Variants in EYS observed in about 807,000 individuals in gnomAD.
The protein encoded by EYS is protein eyes shut homolog.
Under a neutral mutation model 282.1 loss-of-function variants are expected in EYS, and 250 were observed. The ratio of observed to expected loss-of-function variants is 0.89; its 90% CI spans 0.80 to 0.98. The LOEUF (loss-of-function observed/expected upper bound fraction) is 0.98, where lower values mean the gene tolerates loss of function less well. Ranked by LOEUF, EYS falls within the 50% of genes least tolerant of loss-of-function variation. The pLI, the probability that EYS is intolerant of heterozygous loss-of-function variation, is 0.00. For synonymous variants in EYS, 1,355 were observed against 1,282.9 expected (o/e 1.06, Z -1.20); for missense variants, 4,016 against 3,709.0 (o/e 1.08, Z -2.15).
At chr6:64,982,148 A>C (rs9453142) in intron 14 of EYS, among the ~76,000 whole-genome samples, 24,489 of 151,278 alleles carry the variant, frequency 0.16, 2,077 homozygotes, top group East Asian at 0.23. Context: ...AGCACAATCA[A>C]TGTTACACTA....
At chr6:64,136,114 G>T (rs1463426900) in intron 31 of EYS, among the ~76,000 whole-genome samples, 2 of 149,466 alleles carry the variant, frequency 1.3e-5, no homozygotes, top group East Asian at 3.9e-4. Context: ...AATGTTCCCA[G>T]CATCTTCACC....
chr6:64,580,683 A>C (rs970551860), intron 26 of EYS, among the ~76,000 whole-genome samples: 14 of 152,180 alleles, frequency 9.2e-5, no homozygotes, highest in Admixed American at 2.0e-4. Context: ...AAAGAAAATA[A>C]TATGTTTATG....
chr6:65,126,009 G>A (rs1775708346), intron 12 of EYS, among the ~76,000 whole-genome samples: 1 of 152,078 alleles, frequency 6.6e-6, no homozygotes, highest in African/African-American at 2.4e-5. Flanking sequence ...TGCATATGAA[G>A]TACCTGGTAA....
At chr6:65,203,043 AG>A in intron 12 of EYS, among the ~76,000 whole-genome samples, 1 of 152,182 alleles carries the variant, frequency 6.6e-6, no homozygotes, top group Non-Finnish European at 1.5e-5. Context: ...GGCAGAGCAC[AG>A]GATGGAAACC....
chr6:64,923,167 T>C (rs1768405439), intron 15 of EYS, among the ~76,000 whole-genome samples: 1 of 152,040 alleles, frequency 6.6e-6, no homozygotes, highest in African/African-American at 2.4e-5. Flanking sequence ...AAAGGTTTCA[T>C]TGGACTTACA....
chr6:64,306,582 CA>C (rs1769453014), intron 30 of EYS, among the ~76,000 whole-genome samples: 1 of 152,118 alleles, frequency 6.6e-6, no homozygotes, highest in African/African-American at 2.4e-5. Flanking sequence ...AACTGAAGAA[CA>C]AGGACAACTT....
chr6:63,837,018 G>T (rs1402524691), intron 36 of EYS, among the ~76,000 whole-genome samples: 1 of 151,734 alleles, frequency 6.6e-6, no homozygotes, highest in Non-Finnish European at 1.5e-5. Flanking sequence ...GACTATTTTT[G>T]TTTTGTATTC....
At chr6:64,795,075 A>T (rs2150003361) in intron 22 of EYS, among the ~76,000 whole-genome samples, 1 of 152,128 alleles carries the variant, frequency 6.6e-6, no homozygotes, top group Non-Finnish European at 1.5e-5. Flanking sequence ...CCTCTACCAA[A>T]AATTCAAAAA....
intron 25 of EYS, among the ~76,000 whole-genome samples, chr6:64,592,849 A>T (rs1386075184): frequency 1.3e-5 from 2 of 152,094 alleles, no homozygotes; most frequent in Non-Finnish European, 2.9e-5. Context: ...ATGTGCTGGG[A>T]TTGAGGTCCA....
chr6:64,838,333 T>A (rs1044583439), intron 19 of EYS, among the ~76,000 whole-genome samples: 5 of 151,910 alleles, frequency 3.3e-5, no homozygotes, highest in Non-Finnish European at 7.4e-5. Flanking sequence ...CCAAACTTAA[T>A]GCTGATGTAC....
intron 31 of EYS, among the ~76,000 whole-genome samples, chr6:64,188,308 A>G (rs900885905): frequency 6.6e-6 from 1 of 152,142 alleles, no homozygotes; most frequent in African/African-American, 2.4e-5. Context: ...TATGAACTTA[A>G]AAAACTAATA....
At chr6:65,331,257 G>A (rs1769786913) in intron 11 of EYS, 1 of 642,238 alleles carries the variant, frequency 1.6e-6, no homozygotes, top group African/African-American at 2.0e-5. Flanking sequence ...GCTAATTTAA[G>A]GCCTAATATT....
chr6:64,336,159 G>A (rs375834205), intron 29 of EYS, among the ~76,000 whole-genome samples: 263 of 152,208 alleles, frequency 1.7e-3, no homozygotes, highest in African/African-American at 6.1e-3. Context: ...GAATGTAAAT[G>A]GCCTAAATGT....
chr6:64,472,692 T>G (rs1251731449), intron 26 of EYS, among the ~76,000 whole-genome samples: 1 of 152,150 alleles, frequency 6.6e-6, no homozygotes, highest in African/African-American at 2.4e-5. Flanking sequence ...ACATCAAAGA[T>G]AGAGAGAAAG....
chr6:64,418,254 G>C (rs893424001), intron 28 of EYS, among the ~76,000 whole-genome samples: 6 of 152,090 alleles, frequency 3.9e-5, no homozygotes, highest in African/African-American at 1.4e-4. Context: ...CAAATTTGTG[G>C]TATGGCTATT....
intron 36 of EYS, among the ~76,000 whole-genome samples, chr6:63,825,059 T>C (rs319916): frequency 6.6e-6 from 1 of 151,890 alleles, no homozygotes; most frequent in African/African-American, 2.4e-5. Flanking sequence ...GGGCTGTTGT[T>C]GGGGGCATGG....
At position 64,207,609 on chromosome 6, in the gene EYS, C is replaced by T. The variant is rs554007467; in HGVS notation, c.6424+22983G>A. On this transcript the variant is annotated intron_variant, in intron 31 of 42. Coordinates refer to ENST00000503581, the MANE Select transcript of EYS (RefSeq NM_001142800.2). ...TGAGAAGGTAAGGGAAGAAAATGGG[C>T]TCTTTTTACAAAATAGGGAGAATTC... 1.1e-4 allele frequency among the ~76,000 whole-genome samples: 17 copies of T among 152,160 alleles called. No individual in the cohort carries two copies. The East Asian group carries it at 3.3e-3, about 29-fold the overall frequency.
In EYS at chr6:64,206,457, G is replaced by A. The variant is rs192784519; in HGVS notation, c.6424+24135C>T. On this transcript the variant is annotated intron_variant, in intron 31 of 42. Coordinates refer to ENST00000503581, the MANE Select transcript of EYS (RefSeq NM_001142800.2). ...TTCTCTAATTTCAACTCATTGTTAT[G>A]TGGTTTAAAGTTGCTAGATCAGTGG... Among the ~76,000 whole-genome samples the A allele has an allele frequency of 1.7e-3, 255 of 152,286 alleles. 1 individual carries two copies. The highest frequency in any genetic ancestry group is 3.0e-3 in the Non-Finnish European group (204 of 68,020).
intron 1 of EYS, among the ~76,000 whole-genome samples, chr6:65,647,677 T>A (rs1235579990): frequency 6.6e-6 from 1 of 152,134 alleles, no homozygotes; most frequent in Non-Finnish European, 1.5e-5. Flanking sequence ...AGATGGGAGT[T>A]AATTAACCAA....
Sources: allele counts gnomAD v4.1 joint callset (sites outside exome capture counted in the v4.1 genomes callset), GRCh38; gene constraint gnomAD v4.1.1; transcripts MANE v1.5; gene names NCBI Gene and HGNC (gene_info 2026-07-23, HGNC 2026-07-21).